The following FYN variants were observed in gnomAD, a reference collection of about 807,000 sequenced individuals.
FYN encodes the protein tyrosine-protein kinase Fyn.
A neutral mutation model predicts 70.2 loss-of-function variants in FYN; 10 were observed. The ratio of observed to expected loss-of-function variants is 0.14; its 90% CI spans 0.09 to 0.24. The LOEUF is 0.24. FYN is among the 10% of genes least tolerant of loss of function. The pLI is 1.00. For missense variants in FYN, 319 were observed against 673.1 expected, an observed-to-expected ratio of 0.47 and a Z score of 5.82; for synonymous variants, 236 against 248.6, an observed-to-expected ratio of 0.95 and a Z score of 0.48.
chr6:111,868,881 T>C (rs1245216307), intron 1 of FYN, among the ~76,000 whole-genome samples: 1 of 152,226 alleles, frequency 6.6e-6, no homozygotes, highest in Admixed American at 6.5e-5. Flanking sequence ...GCTTGGCATA[T>C]AGTAAATGCT....
intron 8 of FYN, 181 bp downstream of exon 8, chr6:111,702,704 C>T: frequency 2.1e-6 from 1 of 469,616 alleles, no homozygotes. Context: ...ATAATAACAA[C>T]AGTAGAACAA....
chr6:111,837,582 G>T (rs1361035126), intron 2 of FYN, among the ~76,000 whole-genome samples: 1 of 152,130 alleles, frequency 6.6e-6, no homozygotes, highest in African/African-American at 2.4e-5. Context: ...CAAAGAAAGG[G>T]GGTACAACAA....
chr6:111,754,735 G>A (rs751196826), intron 3 of FYN: 5 of 152,058 alleles, frequency 3.3e-5, no homozygotes, highest in Non-Finnish European at 5.9e-5. Context: ...ATATACAGTA[G>A]TTTCCTGAGA....
intron 2 of FYN, among the ~76,000 whole-genome samples, chr6:111,846,354 C>T (rs1344288804): frequency 6.6e-6 from 1 of 152,130 alleles, no homozygotes; most frequent in East Asian, 1.9e-4. Context: ...CCATAAATTA[C>T]CAGAATTGAG....
intron 13 of FYN, among the ~76,000 whole-genome samples, chr6:111,669,761 T>C (rs566700289): frequency 2.6e-5 from 4 of 152,244 alleles, no homozygotes; most frequent in Non-Finnish European, 4.4e-5. Flanking sequence ...TTCTGTTTCA[T>C]TCACTCATTT....
intron 2 of FYN, among the ~76,000 whole-genome samples, chr6:111,812,167 CAG>C (rs1401470138): frequency 6.6e-6 from 1 of 152,182 alleles, no homozygotes; most frequent in Non-Finnish European, 1.5e-5. Context: ...AAGTGAAAAA[CAG>C]AGAGCAACTG....
intron 2 of FYN, among the ~76,000 whole-genome samples, chr6:111,827,090 C>CGA (rs1772860062): frequency 6.6e-6 from 1 of 151,944 alleles, no homozygotes; most frequent in Non-Finnish European, 1.5e-5. Context: ...AGTCGGCCAA[C>CGA]GAGAGAGGCT....
chr6:111,716,688 T>C (rs190836680), intron 4 of FYN, among the ~76,000 whole-genome samples: 2 of 151,154 alleles, frequency 1.3e-5, no homozygotes, highest in Admixed American at 6.6e-5. Context: ...ATATAGTAGA[T>C]AGCCATTAAA....
chr6:111,810,756 G>C (rs1007111157), intron 2 of FYN, among the ~76,000 whole-genome samples: 1 of 152,172 alleles, frequency 6.6e-6, no homozygotes, highest in African/African-American at 2.4e-5. Context: ...CCTGTGGGTG[G>C]AGCAGAAATG....
chr6:111,662,557 C>A (rs183220977), intron 13 of FYN, among the ~76,000 whole-genome samples: 36 of 152,234 alleles, frequency 2.4e-4, no homozygotes, highest in Admixed American at 2.3e-3. Flanking sequence ...AAACTGCATC[C>A]TTAAAATTGT....
rs976315068 is a variant in FYN at position 111,671,707 on chromosome 6, G to A, written c.1405+2792C>T. 8.5e-5 allele frequency among the ~76,000 whole-genome samples: 13 copies of A among 152,122 alleles called. No individual in the cohort carries two copies. The South Asian group carries it at 1.5e-3, about 17-fold the overall frequency. ...GGGAAGCTGAGAAGGACCCCTCAGC[G>A]CACACTGACTGACTTGCCACACCAA... On this transcript the variant is annotated intron_variant, in intron 13 of 13. Coordinates refer to ENST00000354650, the MANE Select transcript of FYN (RefSeq NM_002037.5).
chr6:111,832,201 A>C (rs1022732022), intron 2 of FYN, among the ~76,000 whole-genome samples: 1 of 152,158 alleles, frequency 6.6e-6, no homozygotes, highest in African/African-American at 2.4e-5. Flanking sequence ...GTTTTCTGGG[A>C]CTGTTAGCAT....
intron 2 of FYN, among the ~76,000 whole-genome samples, chr6:111,820,657 C>A (rs774114191): frequency 7.2e-5 from 11 of 152,088 alleles, no homozygotes; most frequent in Non-Finnish European, 1.5e-4. Context: ...CATTCACTCA[C>A]TGAATTTACA....
chr6:111,808,297 T>C (rs951049848), intron 2 of FYN, among the ~76,000 whole-genome samples: 1 of 152,014 alleles, frequency 6.6e-6, no homozygotes, highest in African/African-American at 2.4e-5. Context: ...TGCCAAGAAG[T>C]GAGCAGGGCA....
chr6:111,800,578 T>C (rs1377207122), intron 2 of FYN, among the ~76,000 whole-genome samples: 1 of 152,226 alleles, frequency 6.6e-6, no homozygotes, highest in African/African-American at 2.4e-5. Context: ...TTCCTAAATC[T>C]GTCACAGGCT....
chr6:111,689,853 G>C lies in FYN; in HGVS notation c.1273+4522C>G, dbSNP rs1478364617. ...ATCTTTATCTTCGGGGTGGATTCAG[G>C]GGCATATATGTACATAAAAATTCAT... On this transcript the variant is annotated intron_variant, in intron 12 of 13. Transcript: ENST00000354650. Among the ~76,000 whole-genome samples, 4 of 152,180 alleles carry C rather than the reference G, an allele frequency of 2.6e-5. No homozygotes were observed. The South Asian group carries it at 8.3e-4, about 32-fold the overall frequency.
intron 3 of FYN, among the ~76,000 whole-genome samples, chr6:111,738,887 G>T (rs1193836513): frequency 6.6e-6 from 1 of 152,116 alleles, no homozygotes; most frequent in Non-Finnish European, 1.5e-5. Context: ...CTTCTTGGTG[G>T]GGCGGGGAGG....
At position 111,671,025 on chromosome 6, in the gene FYN, T is replaced by C. The variant is rs143400943; in HGVS notation, c.1405+3474A>G. ...GCAAGCTAGACTGCAATGCAGAGAA[T>C]GCGTTCAGCTCAGGCTGCTAGCGGG... On this transcript the variant is annotated intron_variant, in intron 13 of 13. Coordinates refer to ENST00000354650, the MANE Select transcript of FYN (RefSeq NM_002037.5). Among the ~76,000 whole-genome samples the C allele has an allele frequency of 2.8e-3, 427 of 152,348 alleles. 4 individuals are homozygous for C. The highest frequency in any genetic ancestry group is 1.0e-2 in the African/African-American group (415 of 41,578).
At chr6:111,807,395 C>T (rs1772182739) in intron 2 of FYN, among the ~76,000 whole-genome samples, 1 of 152,154 alleles carries the variant, frequency 6.6e-6, no homozygotes, top group African/African-American at 2.4e-5. Context: ...CTGTTGTTAA[C>T]AAGGAGTTAA....
Sources: allele counts gnomAD v4.1 joint callset (sites outside exome capture counted in the v4.1 genomes callset), GRCh38; gene constraint gnomAD v4.1.1; transcripts MANE v1.5; gene names NCBI Gene and HGNC (gene_info 2026-07-23, HGNC 2026-07-21).